The following KMT2C variants were observed in gnomAD, a reference collection of about 807,000 sequenced individuals.
The protein encoded by KMT2C is lysine methyltransferase 2C.
In KMT2C, 88 loss-of-function variants were observed where a neutral mutation model predicts 507.9. The observed-to-expected ratio is 0.17, with a 90% CI of 0.15 to 0.21. KMT2C has a LOEUF of 0.21. Among genes scored for constraint, KMT2C ranks in the 10% least tolerant of loss-of-function variants. The pLI is 1.00. For synonymous variants in KMT2C, 2,049 were observed against 2,080.8 expected, an observed-to-expected ratio of 0.98 and a Z score of 0.42; for missense variants, 4,954 against 5,957.8, an observed-to-expected ratio of 0.83 and a Z score of 5.55.
intron 1 of KMT2C, among the ~76,000 whole-genome samples, chr7:152,363,976 CAA>C (rs371755354): frequency 2.2e-4 from 33 of 152,142 alleles, no homozygotes; most frequent in African/African-American, 7.7e-4. Flanking sequence ...GGCAAGACCT[CAA>C]TGACTATGTA....
At position 152,155,975 on chromosome 7, in the gene KMT2C, G is replaced by A. The variant is rs267601427; in HGVS notation, c.11895C>T (p.Gly3965=). ...DDLLARALAQ[G]PKTVDVPASL... ...AGGCTGGCACATCAACTGTCTTGGG[G>A]CCCTGAGCAAGAGCTCGGGCCAACA... Residue 3965 remains glycine (G), a synonymous_variant, in exon 46 of 59, where the codon GGC becomes GGT. Transcript: ENST00000262189. 24 of 1,611,230 alleles carry A rather than the reference G, an allele frequency of 1.5e-5. No homozygotes were observed. Among genetic ancestry groups the A allele is most frequent in the South Asian group, 8.8e-5 (8 of 90,472 alleles).
chr7:152,313,411 G>A (rs1486434638), intron 4 of KMT2C, among the ~76,000 whole-genome samples: 1 of 152,032 alleles, frequency 6.6e-6, no homozygotes, highest in Non-Finnish European at 1.5e-5. Flanking sequence ...CAAGTTTTGA[G>A]ACTGGTTTGT....
chr7:152,145,342 C>A (rs780864353), intron 53 of KMT2C, 47 bp from the exon 54 acceptor site: 12 of 1,590,252 alleles, frequency 7.5e-6, no homozygotes, highest in Non-Finnish European at 1.0e-5. Context: ...CTGATGGAGA[C>A]TACAGACAAT....
chr7:152,255,609 C>T (rs2095647994), intron 9 of KMT2C, among the ~76,000 whole-genome samples: 1 of 152,152 alleles, frequency 6.6e-6, no homozygotes, highest in South Asian at 2.1e-4. Flanking sequence ...TCTGAAGGGG[C>T]CCAACATTAC....
intron 2 of KMT2C, among the ~76,000 whole-genome samples, chr7:152,348,793 G>C (rs2129224769): frequency 6.6e-6 from 1 of 151,976 alleles, no homozygotes; most frequent in East Asian, 1.9e-4. Flanking sequence ...TCAAAATCTG[G>C]AACACCAACA....
intron 14 of KMT2C, among the ~76,000 whole-genome samples, chr7:152,246,410 A>G (rs1323238066): frequency 6.6e-6 from 1 of 152,132 alleles, no homozygotes; most frequent in Non-Finnish European, 1.5e-5. Context: ...CATGGCTCAT[A>G]TAAGATGGAA....
rs1163185034 is a variant in KMT2C at position 152,148,370 on chromosome 7, A to C, written c.13557T>G (p.Phe4519Leu). 1 of 1,614,276 alleles carries C rather than the reference A, an allele frequency of 6.2e-7. No homozygotes were observed. The highest frequency in any genetic ancestry group is 1.7e-5 in the Admixed American group (1 of 60,036). The change falls in exon 52 of 59, where the codon TTT (phenylalanine) becomes TTG (leucine). Residue 4519 changes from phenylalanine (F) to leucine (L), a missense_variant. Physicochemically the swap from Phe to Leu is conservative, Grantham distance 22. Coordinates refer to ENST00000262189, the MANE Select transcript of KMT2C (RefSeq NM_170606.3). The surrounding 1 kb of genome is among the most constrained non-coding windows in gnomAD (Gnocchi z 7.1). ...KGIHEQELSYFAVFRRVYVQR... is the reference protein window; with the variant it reads ...KGIHEQELSYLAVFRRVYVQR... ...GAACATAGACCCTCCTGAAGACTGC[A>C]AAGTAACTTAATTCTTGCTCATGAA...
intron 9 of KMT2C, among the ~76,000 whole-genome samples, chr7:152,259,446 GCACACA>G (rs372982101): frequency 0.053 from 7,155 of 134,718 alleles, 490 homozygotes; most frequent in African/African-American, 0.16. Context: ...ACACACACGC[GCACACA>G]CACACACACA....
intron 6 of KMT2C, among the ~76,000 whole-genome samples, chr7:152,302,234 T>G (rs371432922): frequency 9.9e-5 from 15 of 152,116 alleles, no homozygotes; most frequent in Non-Finnish European, 2.2e-4. Flanking sequence ...ATTTTAAGAG[T>G]AAAACACCTG....
At chr7:152,193,649 A>G (rs1057454902) in intron 31 of KMT2C, among the ~76,000 whole-genome samples, 5 of 152,174 alleles carry the variant, frequency 3.3e-5, no homozygotes, top group Non-Finnish European at 7.3e-5. Context: ...AGGGCAGATC[A>G]ATGAGTACAG....
intron 44 of KMT2C, among the ~76,000 whole-genome samples, chr7:152,158,309 A>C (rs2092215679): frequency 6.6e-6 from 1 of 152,226 alleles, no homozygotes; most frequent in South Asian, 2.1e-4. Context: ...ACAACAAAGT[A>C]CTGAGGACAG....
chr7:152,346,330 G>C (rs567154728), intron 2 of KMT2C, among the ~76,000 whole-genome samples: 99 of 152,270 alleles, frequency 6.5e-4, no homozygotes, highest in African/African-American at 2.3e-3. Context: ...ACCACATTCT[G>C]AGCCATAAAA....
At chr7:152,351,091 C>T (rs1208084019) in intron 2 of KMT2C, among the ~76,000 whole-genome samples, 2 of 152,178 alleles carry the variant, frequency 1.3e-5, no homozygotes, top group Non-Finnish European at 2.9e-5. Flanking sequence ...AAGGAGCTGT[C>T]ATTTCGTATG....
intron 2 of KMT2C, among the ~76,000 whole-genome samples, chr7:152,347,870 C>T (rs1186210866): frequency 1.3e-5 from 2 of 152,158 alleles, no homozygotes; most frequent in East Asian, 3.9e-4. Flanking sequence ...CACGAATCTC[C>T]ACGAAAAATT....
chr7:152,290,280 A>G (rs2096397548), intron 6 of KMT2C, among the ~76,000 whole-genome samples: 3 of 31,958 alleles, frequency 9.4e-5, no homozygotes, highest in African/African-American at 2.7e-4. Context: ...ATATATATAT[A>G]TATATATATA....
At chr7:152,266,705 T>A (rs2095863384) in intron 7 of KMT2C, among the ~76,000 whole-genome samples, 1 of 152,312 alleles carries the variant, frequency 6.6e-6, no homozygotes, top group Non-Finnish European at 1.5e-5. Context: ...TAGTAAATAT[T>A]TTAGGCTTTG....
At chr7:152,168,716 T>C (rs922765604) in intron 41 of KMT2C, among the ~76,000 whole-genome samples, 3 of 152,204 alleles carry the variant, frequency 2.0e-5, no homozygotes, top group Admixed American at 1.3e-4. Flanking sequence ...TGAACCACCT[T>C]GGGACCCCTG....
rs560363020 is a variant in KMT2C at position 152,240,172 on chromosome 7, T to C, written c.2533-1346A>G. On this transcript the variant is annotated intron_variant, in intron 14 of 58. Coordinates refer to ENST00000262189, the MANE Select transcript of KMT2C (RefSeq NM_170606.3). ...CAGGTAATCACTATGCTGATTTCAC[T>C]GAGCAGCAACCACTGCAGGTCAATT... 2.0e-3 allele frequency among the ~76,000 whole-genome samples: 298 copies of C among 152,366 alleles called. 1 individual carries two copies. Among genetic ancestry groups the C allele is most frequent in the Non-Finnish European group, 3.3e-3 (222 of 68,032 alleles).
chr7:152,200,714 A>C (rs1397151124), intron 26 of KMT2C, among the ~76,000 whole-genome samples: 3 of 152,212 alleles, frequency 2.0e-5, no homozygotes, highest in Non-Finnish European at 4.4e-5. Context: ...TCAGTGACAG[A>C]GTGAGGCTGT....
Sources: allele counts gnomAD v4.1 joint callset (sites outside exome capture counted in the v4.1 genomes callset), GRCh38; gene constraint gnomAD v4.1.1; non-coding constraint Gnocchi (gnomAD v3.1); transcripts MANE v1.5; gene names NCBI Gene and HGNC (gene_info 2026-07-23, HGNC 2026-07-21).